REV1: variants seen among roughly 807,000 people sequenced by gnomAD.
REV1 encodes REV1 DNA directed polymerase.
In REV1, 42 loss-of-function variants were observed where a neutral mutation model predicts 137.4. The ratio of observed to expected loss-of-function variants is 0.31; its 90% CI spans 0.24 to 0.40. REV1 has a LOEUF of 0.40. Ranked by LOEUF, REV1 falls within the 10% of genes least tolerant of loss-of-function variation. REV1 has a pLI of 1.00. For missense variants in REV1, 1,282 were observed against 1,490.1 expected (o/e 0.86, Z 2.30); for synonymous variants, 524 against 519.2 (o/e 1.01, Z -0.12).
intron 3 of REV1, among the ~76,000 whole-genome samples, chr2:99,454,427 G>A (rs1192046640): frequency 1.3e-5 from 2 of 151,654 alleles, no homozygotes; most frequent in African/African-American, 4.9e-5. Context: ...GCATGCGCCT[G>A]TAACTCCAGC....
intron 3 of REV1, among the ~76,000 whole-genome samples, chr2:99,460,202 G>A (rs933452994): frequency 5.3e-5 from 8 of 152,048 alleles, no homozygotes; most frequent in South Asian, 2.1e-4. Context: ...TCAGCCTCCC[G>A]AGTAGCTGGG....
intron 3 of REV1, among the ~76,000 whole-genome samples, chr2:99,459,083 C>CT (rs1300091293): frequency 5.9e-5 from 9 of 152,052 alleles, no homozygotes; most frequent in Non-Finnish European, 1.2e-4. Context: ...TGGTGGCCAC[C>CT]TGTAGTCCCA....
At chr2:99,443,960 A>G (rs1330614733) in intron 4 of REV1, among the ~76,000 whole-genome samples, 2 of 151,954 alleles carry the variant, frequency 1.3e-5, no homozygotes, top group Non-Finnish European at 2.9e-5. Flanking sequence ...CTGGGACTAC[A>G]GGCGCCTGCC....
intron 15 of REV1, among the ~76,000 whole-genome samples, chr2:99,407,349 G>GAAACC (rs1190041122): frequency 6.6e-6 from 1 of 151,568 alleles, no homozygotes; most frequent in Non-Finnish European, 1.5e-5. Context: ...TCAGGAGTTT[G>GAAACC]AAACCAGCCT....
chr2:99,440,806 G>A (rs1269734645), intron 5 of REV1, among the ~76,000 whole-genome samples: 3 of 152,138 alleles, frequency 2.0e-5, no homozygotes. Flanking sequence ...ATCTAGTTTT[G>A]TGTCAAAAAC....
intron 1 of REV1, among the ~76,000 whole-genome samples, chr2:99,488,972 A>G (rs963480967): frequency 1.3e-5 from 2 of 152,236 alleles, no homozygotes; most frequent in African/African-American, 4.8e-5. Context: ...CGTGGAGATA[A>G]AGAGAATTAG....
intron 2 of REV1, among the ~76,000 whole-genome samples, chr2:99,463,193 A>G (rs1684425048): frequency 6.6e-6 from 1 of 152,196 alleles, no homozygotes; most frequent in African/African-American, 2.4e-5. Context: ...TCTTATGATT[A>G]TAAAAGTTAC....
At chr2:99,433,038 ATGG>A (rs1186309799) in intron 8 of REV1, among the ~76,000 whole-genome samples, 8 of 152,216 alleles carry the variant, frequency 5.3e-5, no homozygotes, top group Admixed American at 1.3e-4. Context: ...AAGTATATAC[ATGG>A]TGGTTTTTCT....
At chr2:99,462,473 G>A in intron 3 of REV1, 23 bp downstream of exon 3, 1 of 1,576,678 alleles carries the variant, frequency 6.3e-7, no homozygotes, top group Non-Finnish European at 8.6e-7. Context: ...TGCCAAAATA[G>A]GGTTAAGTAA....
At chr2:99,411,617 C>A (rs949179757) in intron 13 of REV1, among the ~76,000 whole-genome samples, 15 of 151,780 alleles carry the variant, frequency 9.9e-5, no homozygotes, top group African/African-American at 3.6e-4. Flanking sequence ...CCATGTTGGC[C>A]AGGCTGGTCT....
intron 1 of REV1, among the ~76,000 whole-genome samples, chr2:99,471,563 C>A (rs1163631617): frequency 1.3e-5 from 2 of 151,992 alleles, no homozygotes; most frequent in African/African-American, 2.4e-5. Context: ...ATAAACTGGA[C>A]TACATAAAAA....
intron 14 of REV1, among the ~76,000 whole-genome samples, chr2:99,409,367 G>A (rs547684368): frequency 3.3e-4 from 51 of 152,298 alleles, no homozygotes; most frequent in African/African-American, 1.1e-3. Context: ...GTTGGCATGA[G>A]CTAATCTTTA....
At chr2:99,431,752 T>C (rs1680160973) in intron 8 of REV1, 3 of 985,338 alleles carry the variant, frequency 3.0e-6, no homozygotes, top group South Asian at 9.4e-5. Flanking sequence ...TGTTCCACAG[T>C]GCAGCAGAGT....
intron 7 of REV1, chr2:99,435,535 T>C (rs1680633700): frequency 5.8e-6 from 1 of 172,986 alleles, no homozygotes; most frequent in African/African-American, 2.4e-5. Context: ...TTCCATTCAT[T>C]AACAAGGAAT....
chr2:99,471,351 T>C (rs1685388017), intron 1 of REV1, among the ~76,000 whole-genome samples: 1 of 152,192 alleles, frequency 6.6e-6, no homozygotes, highest in African/African-American at 2.4e-5. Flanking sequence ...AGGACAATCT[T>C]TTCAACAAAT....
At chr2:99,456,542 T>C (rs979169630) in intron 3 of REV1, among the ~76,000 whole-genome samples, 3 of 152,152 alleles carry the variant, frequency 2.0e-5, no homozygotes, top group African/African-American at 4.8e-5. Flanking sequence ...CAGAAGGAAC[T>C]GCAAATTTAA....
intron 1 of REV1, among the ~76,000 whole-genome samples, chr2:99,489,507 G>C (rs1488809771): frequency 5.1e-5 from 3 of 59,208 alleles, no homozygotes; most frequent in African/African-American, 2.2e-4. Flanking sequence ...CGCTGCGCCA[G>C]GGGTCGGCGC....
chr2:99,408,394 A>C (rs568403306), intron 14 of REV1: 13 of 267,764 alleles, frequency 4.9e-5, no homozygotes, highest in African/African-American at 2.8e-4. Context: ...AACTAAAAAT[A>C]AGTTGAGAAA....
intron 3 of REV1, among the ~76,000 whole-genome samples, chr2:99,457,603 T>C (rs900346721): frequency 3.3e-5 from 4 of 120,988 alleles, no homozygotes; most frequent in Non-Finnish European, 5.5e-5. Flanking sequence ...AAGAATCGCT[T>C]GAGCCAGGGA....
Sources: allele counts gnomAD v4.1 joint callset (sites outside exome capture counted in the v4.1 genomes callset), GRCh38; gene constraint gnomAD v4.1.1; transcripts MANE v1.5; gene names NCBI Gene and HGNC (gene_info 2026-07-23, HGNC 2026-07-21).